The following SMIM45 variants were observed in gnomAD, a reference collection of about 807,000 sequenced individuals.
The protein encoded by SMIM45 is small integral membrane protein 45, also known as long intergenic non-protein coding RNA 634.
chr22:41,957,644 T>G, the SMIM45 span: 1 of 153,196 alleles, frequency 6.5e-6, no homozygotes, highest in Non-Finnish European at 1.5e-5. Flanking sequence ...GCACCTCTGC[T>G]GGCCCTCACC....
the SMIM45 span, chr22:41,958,586 G>A: frequency 1.7e-3 from 594 of 352,988 alleles, 4 homozygotes; most frequent in Middle Eastern, 0.013. Flanking sequence ...GGCAGGGCAG[G>A]AGGTGGTGGA....
the SMIM45 span, among the ~76,000 whole-genome samples, chr22:41,951,300 A>C: frequency 6.6e-6 from 1 of 152,130 alleles, no homozygotes; most frequent in Admixed American, 6.5e-5. Context: ...GCATAGGGGG[A>C]GGGGGAGGAT....
the SMIM45 span, chr22:41,958,061 T>C: frequency 1.0e-3 from 293 of 291,232 alleles, 1 homozygote; most frequent in African/African-American, 6.1e-3. Flanking sequence ...GCGCTGGCAG[T>C]GGAGGTGGGG....
the SMIM45 span, among the ~76,000 whole-genome samples, chr22:41,951,313 AT>A: frequency 6.6e-6 from 1 of 152,172 alleles, no homozygotes; most frequent in Middle Eastern, 3.4e-3. Context: ...GGGAGGATCC[AT>A]GCTTGGGAAG....
At chr22:41,947,726 C>T in the SMIM45 span, among the ~76,000 whole-genome samples, 1 of 144,866 alleles carries the variant, frequency 6.9e-6, no homozygotes, top group African/African-American at 2.6e-5. Flanking sequence ...ACTATAGTGA[C>T]ACGATCATAG....
chr22:41,952,705 G>A, the SMIM45 span, among the ~76,000 whole-genome samples: 1 of 152,170 alleles, frequency 6.6e-6, no homozygotes, highest in African/African-American at 2.4e-5. Context: ...AGAGACCACG[G>A]GGTCCTCAGT....
At chr22:41,955,602 C>T in the SMIM45 span, among the ~76,000 whole-genome samples, 1 of 151,930 alleles carries the variant, frequency 6.6e-6, no homozygotes, top group Non-Finnish European at 1.5e-5. Context: ...GTCAGGAGAT[C>T]AAGACCATCC....
At chr22:41,953,354 C>G in the SMIM45 span, among the ~76,000 whole-genome samples, 3 of 152,104 alleles carry the variant, frequency 2.0e-5, no homozygotes, top group African/African-American at 7.2e-5. Flanking sequence ...CCATCCATCC[C>G]CCTGCTTTCC....
chr22:41,950,878 G>T, the SMIM45 span, among the ~76,000 whole-genome samples: 496 of 152,316 alleles, frequency 3.3e-3, 6 homozygotes, highest in African/African-American at 0.011. Flanking sequence ...TGTAGTCCCA[G>T]CTCCTCGGAA....
At chr22:41,947,630 G>C in the SMIM45 span, among the ~76,000 whole-genome samples, 1 of 149,804 alleles carries the variant, frequency 6.7e-6, no homozygotes, top group East Asian at 2.0e-4. Context: ...CTCCCAAAGT[G>C]AGTGCTGAGA....
chr22:41,952,204 T>A, the SMIM45 span: 4 of 152,422 alleles, frequency 2.6e-5, no homozygotes, highest in Admixed American at 1.3e-4. Flanking sequence ...GACTGCCCCC[T>A]CCTGGCCCAC....
the SMIM45 span, among the ~76,000 whole-genome samples, chr22:41,950,244 A>G: frequency 6.6e-6 from 1 of 152,208 alleles, no homozygotes; most frequent in Non-Finnish European, 1.5e-5. Flanking sequence ...ATAATCAACT[A>G]CACTTATTTC....
chr22:41,953,530 T>G, the SMIM45 span, among the ~76,000 whole-genome samples: 6,796 of 152,248 alleles, frequency 0.045, 490 homozygotes, highest in African/African-American at 0.15. Context: ...GGCCTCAGTT[T>G]CTTCATCTGT....
At chr22:41,955,425 C>T in the SMIM45 span, among the ~76,000 whole-genome samples, 1 of 152,162 alleles carries the variant, frequency 6.6e-6, no homozygotes, top group Admixed American at 6.5e-5. Context: ...GTGACCCATC[C>T]TCCTTGGCCT....
chr22:41,951,414 C>G, the SMIM45 span, among the ~76,000 whole-genome samples: 1 of 152,240 alleles, frequency 6.6e-6, no homozygotes, highest in African/African-American at 2.4e-5. Flanking sequence ...AGAAGGCCAG[C>G]AGCATCACCT....
chr22:41,951,622 C>T, the SMIM45 span, among the ~76,000 whole-genome samples: 1 of 152,190 alleles, frequency 6.6e-6, no homozygotes, highest in Non-Finnish European at 1.5e-5. Context: ...GGCTAGGGCT[C>T]TGACCCTGGC....
chr22:41,947,827 A>T, the SMIM45 span, among the ~76,000 whole-genome samples: 1 of 151,102 alleles, frequency 6.6e-6, no homozygotes, highest in East Asian at 2.0e-4. Flanking sequence ...CACCATGGGG[A>T]TCTGGCCATG....
the SMIM45 span, among the ~76,000 whole-genome samples, chr22:41,957,019 G>C: frequency 1.3e-4 from 19 of 151,904 alleles, no homozygotes; most frequent in African/African-American, 4.4e-4. Flanking sequence ...GACCTCAGGT[G>C]ATCTGCCCAC....
the SMIM45 span, among the ~76,000 whole-genome samples, chr22:41,950,681 G>C: frequency 6.6e-6 from 1 of 150,828 alleles, no homozygotes; most frequent in Non-Finnish European, 1.5e-5. Context: ...CTGAGTGAAA[G>C]AGCAAGACCT....
Sources: gnomAD v4.1 joint callset for allele counts (sites outside exome capture counted in the v4.1 genomes callset) on GRCh38, gnomAD v4.1.1 for gene constraint, MANE v1.5 for transcripts, NCBI Gene and HGNC (gene_info 2026-07-23, HGNC 2026-07-21) for gene names.